PLXNC1: variants seen among roughly 807,000 people sequenced by gnomAD.
The protein encoded by PLXNC1 is plexin C1, also known as plexin-C1.
In PLXNC1, 75 loss-of-function variants were observed where a neutral mutation model predicts 178.2. That is an observed-to-expected ratio of 0.42 (90% CI 0.35 to 0.51). The LOEUF is 0.51. Ranked by LOEUF, PLXNC1 falls within the 20% of genes least tolerant of loss-of-function variation. The pLI is 0.02. For synonymous variants in PLXNC1, 790 were observed against 779.9 expected, an observed-to-expected ratio of 1.01 and a Z score of -0.22; for missense variants, 1,503 against 1,984.4, an observed-to-expected ratio of 0.76 and a Z score of 4.61.
At chr12:94,263,512 A>G (rs1965061422) in intron 20 of PLXNC1, among the ~76,000 whole-genome samples, 1 of 150,970 alleles carries the variant, frequency 6.6e-6, no homozygotes, top group African/African-American at 2.4e-5. Flanking sequence ...CCTGACTCCA[A>G]CCCCTGCGGG....
intron 9 of PLXNC1, among the ~76,000 whole-genome samples, chr12:94,234,521 C>T (rs117106274): frequency 0.019 from 2,869 of 152,282 alleles, 37 homozygotes; most frequent in African/African-American, 0.028. Flanking sequence ...TCAAATTGTG[C>T]AGCCATTTAA....
chr12:94,255,122 G>C, intron 16 of PLXNC1, 71 bp from the exon 17 acceptor site: 1 of 1,229,070 alleles, frequency 8.1e-7, no homozygotes, highest in Non-Finnish European at 1.2e-6. Flanking sequence ...CTCTGTGTTA[G>C]ACAAAACAGC....
chr12:94,298,930 C>T (rs1968199275), intron 27 of PLXNC1, 135 bp downstream of exon 27: 1 of 779,278 alleles, frequency 1.3e-6, no homozygotes, highest in African/African-American at 1.8e-5. Context: ...GCTATCATGT[C>T]AAAGTAGTTT....
chr12:94,293,795 T>A (rs190478273), intron 23 of PLXNC1, among the ~76,000 whole-genome samples: 152 of 152,058 alleles, frequency 1.0e-3, no homozygotes, highest in Middle Eastern at 6.8e-3. Context: ...ATTAAAAAAA[T>A]TTTTTTTATA....
chr12:94,154,164 C>A (rs1420325420), intron 1 of PLXNC1, among the ~76,000 whole-genome samples: 2 of 152,186 alleles, frequency 1.3e-5, no homozygotes, highest in Non-Finnish European at 2.9e-5. Context: ...ATTTACATGC[C>A]TTATTTTCTG....
rs1295102567 is a variant in PLXNC1, at chr12:94,149,949, G to C, written c.978G>C (p.Thr326=). The C allele has an allele frequency of 2.5e-6, 4 of 1,587,526 alleles. No homozygotes were observed. In the South Asian group the frequency reaches 3.4e-5, roughly 14 times the overall value. The change falls in exon 1 of 31, where the codon ACG becomes ACC. Residue 326 remains threonine, a synonymous_variant. Coordinates refer to ENST00000258526, the MANE Select transcript of PLXNC1 (RefSeq NM_005761.3). The part of the protein sequence containing the change: ...EGQERRSPTT[T]ALCLFRMSEI... Reference sequence around the variant, plus strand: ...AGGAGCGGCGCTCCCCCACCACCACGGCGCTCTGCCTCTTCAGAATGAGTG... The same window carrying C: ...AGGAGCGGCGCTCCCCCACCACCACCGCGCTCTGCCTCTTCAGAATGAGTG...
intron 9 of PLXNC1, among the ~76,000 whole-genome samples, chr12:94,230,201 G>A (rs1202952110): frequency 1.3e-5 from 2 of 152,126 alleles, no homozygotes; most frequent in African/African-American, 4.8e-5. Context: ...TCATCCAGAT[G>A]TACCCTTTGG....
At chr12:94,248,454 T>C in intron 14 of PLXNC1, 42 bp downstream of exon 14, 3 of 1,441,976 alleles carry the variant, frequency 2.1e-6, no homozygotes, top group Non-Finnish European at 2.8e-6. Flanking sequence ...TTACCTGATT[T>C]TTGTGATAAT....
At chr12:94,167,386 A>G (rs1283224368) in intron 1 of PLXNC1, among the ~76,000 whole-genome samples, 6 of 152,206 alleles carry the variant, frequency 3.9e-5, no homozygotes, top group Non-Finnish European at 7.3e-5. Flanking sequence ...TCCTCTAGCC[A>G]GAGATAGTGG....
chr12:94,263,087 C>G (rs1965044665), intron 20 of PLXNC1, among the ~76,000 whole-genome samples: 1 of 152,120 alleles, frequency 6.6e-6, no homozygotes, highest in African/African-American at 2.4e-5. Context: ...GGAGGGGAAT[C>G]ACGTACGCAG....
chr12:94,279,868 G>A, intron 22 of PLXNC1: 1 of 687,440 alleles, frequency 1.5e-6, no homozygotes, highest in Non-Finnish European at 2.7e-6. Flanking sequence ...TTCAAAGATG[G>A]CGTTTGTTGT....
chr12:94,301,539 T>C lies in PLXNC1; in HGVS notation c.4386+482T>C, dbSNP rs548310481. ...GAGTACTGTTTTCCTATGGTTTTCTTTGCTGATCAATAGTCCCAAGAACTC... is the reference window on the plus strand; with the variant it reads ...GAGTACTGTTTTCCTATGGTTTTCTCTGCTGATCAATAGTCCCAAGAACTC... On this transcript the variant is annotated intron_variant, in intron 28 of 30. Transcript: ENST00000258526. Among the ~76,000 whole-genome samples the C allele has an allele frequency of 1.5e-4, 23 of 152,346 alleles. No individual in the cohort carries two copies. In the South Asian group the frequency reaches 4.8e-3, roughly 32 times the overall value.
chr12:94,239,567 G>A (rs1332589768), intron 10 of PLXNC1, among the ~76,000 whole-genome samples: 2 of 152,220 alleles, frequency 1.3e-5, no homozygotes, highest in African/African-American at 4.8e-5. Flanking sequence ...AGATTCTCAT[G>A]TAGCACGGTT....
Position 94,303,827 on chromosome 12 carries a change from C to G in PLXNC1, c.4458C>G (p.Tyr1486Ter), listed in dbSNP as rs748034092. Residue 1486 changes from tyrosine to a stop codon, truncating the protein, a stop_gained, in exon 29 of 31, where the codon TAC (tyrosine) becomes TAG (stop). Coordinates refer to ENST00000258526, the MANE Select transcript of PLXNC1 (RefSeq NM_005761.3). LOFTEE classifies it high-confidence loss of function. ...PTYKEEVKSY[Y>*]KAIRDLPPLS... ...ACAAAGAAGAAGTAAAATCTTATTA[C>G]AAAGCAATCAGGGATTTGCCTCCAT... 2 of 1,513,454 alleles carry G rather than the reference C, an allele frequency of 1.3e-6. No individual in the cohort carries two copies. Among genetic ancestry groups the G allele is most frequent in the Non-Finnish European group, 1.8e-6 (2 of 1,119,198 alleles). 93.8% of individuals were successfully genotyped at this position (1,513,454 alleles called of 1,614,324 possible).
chr12:94,298,659 CTT>C lies in PLXNC1; in HGVS notation c.4106_4107del (p.Phe1369Ter). ...KVAIHSVLEK[L>X]FRSIWSLPNS... ...GGCAATTCATTCTGTGCTTGAAAAA[CTT>C]TTTAGAAGCATTTGGAGTTTACCCA... On this transcript the variant is annotated frameshift_variant, in exon 27 of 31. Coordinates refer to ENST00000258526, the MANE Select transcript of PLXNC1 (RefSeq NM_005761.3). LOFTEE classifies it high-confidence loss of function. The C allele has an allele frequency of 6.2e-7, 1 of 1,601,588 alleles. No homozygotes were observed. Among genetic ancestry groups the C allele is most frequent in the Non-Finnish European group, 8.5e-7 (1 of 1,176,672 alleles).
chr12:94,201,059 C>A (rs1963099656), intron 4 of PLXNC1, among the ~76,000 whole-genome samples: 1 of 152,166 alleles, frequency 6.6e-6, no homozygotes, highest in African/African-American at 2.4e-5. Flanking sequence ...TGGGCCAAGT[C>A]CTGTACTAGG....
intron 8 of PLXNC1, 64 bp downstream of exon 8, chr12:94,226,771 C>T (rs1482777654): frequency 3.3e-6 from 4 of 1,197,876 alleles, no homozygotes; most frequent in Admixed American, 3.4e-5. Context: ...CGCCTGCAAT[C>T]CCAGCATTTT....
At chr12:94,218,862 A>G (rs116584500) in intron 5 of PLXNC1, among the ~76,000 whole-genome samples, 354 of 152,300 alleles carry the variant, frequency 2.3e-3, no homozygotes, top group African/African-American at 8.0e-3. Context: ...TTCTTTAATC[A>G]TTATCTAACA....
At chr12:94,207,372 C>T (rs781234906) in intron 4 of PLXNC1, among the ~76,000 whole-genome samples, 5 of 151,312 alleles carry the variant, frequency 3.3e-5, no homozygotes, top group Non-Finnish European at 7.4e-5. Flanking sequence ...AAAATGGAAA[C>T]CTCACCCCCA....
Sources: gnomAD v4.1 joint callset for allele counts (sites outside exome capture counted in the v4.1 genomes callset) on GRCh38, gnomAD v4.1.1 for gene constraint, MANE v1.5 for transcripts, NCBI Gene and HGNC (gene_info 2026-07-23, HGNC 2026-07-21) for gene names.